Variants in USP4 observed in about 807,000 individuals in gnomAD.
The protein encoded by USP4 is ubiquitin specific peptidase 4.
Under a neutral mutation model 118.2 loss-of-function variants are expected in USP4, and 72 were observed. That is an observed-to-expected ratio of 0.61 (90% confidence interval 0.50 to 0.74). USP4 has a LOEUF of 0.74. Among genes scored for constraint, USP4 ranks in the 30% least tolerant of loss-of-function variants. The pLI, the probability that USP4 is intolerant of heterozygous loss-of-function variation, is 0.00. For missense variants in USP4, 1,037 were observed against 1,185.7 expected, an observed-to-expected ratio of 0.87 and a Z score of 1.84; for synonymous variants, 415 against 440.4, an observed-to-expected ratio of 0.94 and a Z score of 0.72.
chr3:49,300,480 C>T lies in USP4; in HGVS notation c.1499G>A (p.Cys500Tyr), dbSNP rs1490501564. Reference protein sequence around the residue: ...EVFLVPADPHCRPTQYRVTVP... With the variant: ...EVFLVPADPHYRPTQYRVTVP... Reference sequence around the variant, plus strand: ...GGATTCTGTCACCTGAGTAGGTCTGCAGTGAGGGTCAGCAGGAACCAGGAA... The same window carrying T: ...GGATTCTGTCACCTGAGTAGGTCTGTAGTGAGGGTCAGCAGGAACCAGGAA... The change falls in exon 11 of 22, where the codon TGC (cysteine) becomes TAC (tyrosine). Residue 500 changes from cysteine to tyrosine, a missense_variant. Cys to Tyr is a radical substitution (Grantham distance 194). Around this residue, in one of 3 missense-constraint regions of USP4, gnomAD observed 522 missense variants for 592.6 expected, o/e 0.88. Coordinates refer to ENST00000265560, the MANE Select transcript of USP4 (RefSeq NM_003363.4). 10 of 1,613,932 alleles carry T rather than the reference C, an allele frequency of 6.2e-6. No homozygotes were observed. Among genetic ancestry groups the T allele is most frequent in the Non-Finnish European group, 7.6e-6 (9 of 1,179,990 alleles).
At chr3:49,282,225 T>C (rs2047038391) in intron 19 of USP4, among the ~76,000 whole-genome samples, 1 of 152,126 alleles carries the variant, frequency 6.6e-6, no homozygotes, top group African/African-American at 2.4e-5. Flanking sequence ...CCAGAAAGCT[T>C]TCTTCCTCCA....
At chr3:49,313,015 C>T (rs1192676174) in intron 6 of USP4, among the ~76,000 whole-genome samples, 3 of 150,810 alleles carry the variant, frequency 2.0e-5, no homozygotes, top group South Asian at 2.1e-4. Context: ...CTCAGCCTCC[C>T]GAGTAGCTGG....
rs1484676630 is a variant in USP4 at position 49,299,089 on chromosome 3, T to C, written c.1513-454A>G. ...AGCCCGGCCTCAACTTTCTTTTTTT[T>C]CTTTTTTCTTTTTTTTCTGAGACAC... is the stretch of plus-strand genomic sequence containing the variant. On this transcript the variant is annotated intron_variant, in intron 11 of 21. Transcript: ENST00000265560. Among the ~76,000 whole-genome samples, 5 of 151,878 alleles carry C rather than the reference T, an allele frequency of 3.3e-5. No homozygotes were observed. The East Asian group carries it at 7.7e-4, about 24-fold the overall frequency.
At chr3:49,317,998 G>C (rs1200507234) in intron 6 of USP4, among the ~76,000 whole-genome samples, 1 of 149,646 alleles carries the variant, frequency 6.7e-6, no homozygotes, top group East Asian at 2.0e-4. Flanking sequence ...ACCACGCCTG[G>C]CTAATTTTTG....
intron 1 of USP4, among the ~76,000 whole-genome samples, chr3:49,336,884 C>T (rs951699815): frequency 3.3e-5 from 5 of 152,116 alleles, no homozygotes; most frequent in African/African-American, 9.7e-5. Flanking sequence ...AGTTTGGTTA[C>T]ACTGTTTTGC....
chr3:49,331,545 C>T (rs1360701853), intron 2 of USP4, among the ~76,000 whole-genome samples: 6 of 151,824 alleles, frequency 4.0e-5, no homozygotes, highest in East Asian at 1.9e-4. Context: ...AACTTGAACC[C>T]GGGAAGCAGA....
chr3:49,318,318 A>C (rs2047461971), intron 6 of USP4: 7 of 985,486 alleles, frequency 7.1e-6, no homozygotes, highest in Non-Finnish European at 8.4e-6. Context: ...CCAAAAGTCA[A>C]GCTGTGACTC....
intron 1 of USP4, among the ~76,000 whole-genome samples, chr3:49,336,610 C>T (rs1016920749): frequency 5.3e-5 from 8 of 149,988 alleles, no homozygotes; most frequent in South Asian, 2.1e-4. Context: ...CCGCAACCTC[C>T]GCCTCCCGGG....
chr3:49,325,047 C>T lies in USP4; in HGVS notation c.488-8G>A. 6.2e-7 allele frequency: 1 copy of T among 1,611,284 alleles called. No homozygotes were observed. Among genetic ancestry groups the T allele is most frequent in the East Asian group, 2.2e-5 (1 of 44,882 alleles). ...TCTCTTTCTCGATGGTTGCTAGGAA[C>T]AGGCAGAAATATCACTTGGGGCTTT... On this transcript the variant is annotated splice_polypyrimidine_tract_variant and splice_region_variant and intron_variant, in intron 4 of 21. Transcript: ENST00000265560.
rs1395663737 is a variant in USP4, at chr3:49,335,554, A to G, written c.144T>C (p.Tyr48=). ...ACATGTCCCAGCTGTCAAAGCCCAC[A>G]TACTTCTTCCACTGCTTGAACCACC... ...DSRWFKQWKK[Y]VGFDSWDMYN... The change falls in exon 2 of 22, where the codon TAT becomes TAC. Residue 48 remains tyrosine (Y), a synonymous_variant. Transcript: ENST00000265560. The G allele has an allele frequency of 1.2e-6, 2 of 1,614,232 alleles. No individual in the cohort carries two copies. The highest frequency in any genetic ancestry group is 2.2e-5 in the South Asian group (2 of 91,090).
intron 6 of USP4, among the ~76,000 whole-genome samples, chr3:49,323,245 G>A (rs2047519961): frequency 6.9e-6 from 1 of 144,014 alleles, no homozygotes; most frequent in South Asian, 2.2e-4. Context: ...GGGATTACAG[G>A]CATGAGCCAC....
chr3:49,311,974 G>C (rs2047387288), intron 6 of USP4: 2 of 905,926 alleles, frequency 2.2e-6, no homozygotes, highest in Non-Finnish European at 2.8e-6. Context: ...CTGAGCTCAG[G>C]AGTTCGAGAC....
chr3:49,324,697 CT>C lies in USP4; in HGVS notation c.695+4del. ...CCTACAACAAGGGAGAAAAAATTCA[CT>C]TACTTTGACTGCAAGGTCTGCCTGG... On this transcript the variant is annotated splice_donor_region_variant and intron_variant, in intron 6 of 21. Transcript: ENST00000265560. The C allele has an allele frequency of 6.2e-7, 1 of 1,614,022 alleles. No homozygotes were observed.
intron 6 of USP4, chr3:49,312,748 C>T (rs766099036): frequency 5.4e-5 from 14 of 260,018 alleles, no homozygotes; most frequent in South Asian, 1.1e-4. Context: ...GAGCCGAGAT[C>T]GTGCCACTGC....
intron 15 of USP4, among the ~76,000 whole-genome samples, chr3:49,290,553 T>C (rs1045784648): frequency 6.6e-5 from 10 of 152,232 alleles, no homozygotes; most frequent in Admixed American, 3.9e-4. Context: ...GTTGTTCTGT[T>C]GTCCAGGCTG....
intron 2 of USP4, among the ~76,000 whole-genome samples, chr3:49,330,833 AC>A (rs1256334610): frequency 6.9e-6 from 1 of 145,886 alleles, no homozygotes; most frequent in Non-Finnish European, 1.5e-5. Context: ...ACATGGTGAA[AC>A]CCCGTCTCTA....
chr3:49,283,263 C>G (rs779715446), intron 19 of USP4, among the ~76,000 whole-genome samples: 2 of 151,982 alleles, frequency 1.3e-5, no homozygotes, highest in Non-Finnish European at 2.9e-5. Flanking sequence ...ATCTGCCCAC[C>G]TTGGCCTCCC....
chr3:49,326,066 CA>C (rs1360351348), intron 3 of USP4, among the ~76,000 whole-genome samples: 5 of 152,156 alleles, frequency 3.3e-5, no homozygotes, highest in African/African-American at 1.2e-4. Context: ...CTTGTAATCT[CA>C]ACACTCTGGG....
At position 49,278,335 on chromosome 3, in the gene USP4, C is replaced by G. The variant is rs1575597417; in HGVS notation, c.2850G>C (p.Gln950His). The change falls in exon 22 of 22, where the codon CAG (glutamine) becomes CAC (histidine). Residue 950 changes from glutamine (Q) to histidine (H), a missense_variant. By Grantham distance (24) the Gln-to-His change is conservative. Transcript: ENST00000265560. ...DGGTRPSSSQ[Q>H]GFGDDEACSM... ...TGCAAGCCTCATCATCCCCAAAGCC[C>G]TGCTGAGAGCTGCTTGGTCGTGTCC... The G allele has an allele frequency of 1.9e-6, 3 of 1,614,122 alleles. No individual in the cohort carries two copies. Among genetic ancestry groups the G allele is most frequent in the South Asian group, 1.1e-5 (1 of 91,074 alleles).
Sources: gnomAD v4.1 joint callset for allele counts (sites outside exome capture counted in the v4.1 genomes callset) on GRCh38, gnomAD v4.1.1 for gene constraint, gnomAD v4.1.1 regional missense constraint, MANE v1.5 for transcripts, NCBI Gene and HGNC (gene_info 2026-07-23, HGNC 2026-07-21) for gene names.